PRKD1: variants seen among roughly 807,000 people sequenced by gnomAD.
PRKD1 encodes the protein serine/threonine-protein kinase D1.
A neutral mutation model predicts 95.9 loss-of-function variants in PRKD1; 63 were observed. The observed-to-expected ratio is 0.66, with a 90% CI of 0.54 to 0.81. PRKD1 has a LOEUF of 0.81. PRKD1 is among the 30% of genes least tolerant of loss of function. The probability of loss-of-function intolerance (pLI) is 0.00; values close to 1 mark genes in which losing one functional copy is unlikely to be tolerated. For missense variants in PRKD1, 1,048 were observed against 1,165.3 expected, an observed-to-expected ratio of 0.90 and a Z score of 1.47; for synonymous variants, 425 against 423.1, an observed-to-expected ratio of 1.00 and a Z score of -0.05.
chr14:29,759,331 G>C (rs1042861766), intron 1 of PRKD1, among the ~76,000 whole-genome samples: 3 of 152,108 alleles, frequency 2.0e-5, no homozygotes, highest in Non-Finnish European at 2.9e-5. Context: ...CAATCACCTG[G>C]TGTGTGGAAA....
intron 2 of PRKD1, among the ~76,000 whole-genome samples, chr14:29,717,473 T>C (rs1260931802): frequency 1.3e-5 from 2 of 152,104 alleles, no homozygotes; most frequent in East Asian, 1.9e-4. Flanking sequence ...AAATGACAAC[T>C]CTGGGACTGA....
chr14:29,911,901 C>A (rs1482067742), intron 1 of PRKD1, among the ~76,000 whole-genome samples: 2 of 152,218 alleles, frequency 1.3e-5, no homozygotes, highest in African/African-American at 4.8e-5. Flanking sequence ...AGCTACTCCT[C>A]GAATAATTCC....
At chr14:29,748,025 T>A (rs1319863927) in intron 1 of PRKD1, among the ~76,000 whole-genome samples, 1 of 152,184 alleles carries the variant, frequency 6.6e-6, no homozygotes, top group Non-Finnish European at 1.5e-5. Context: ...ATTACAGACG[T>A]GAGCCACCAC....
chr14:29,632,093 G>T (rs1957457), intron 9 of PRKD1, among the ~76,000 whole-genome samples: 48,581 of 152,004 alleles, frequency 0.32, 9,115 homozygotes, highest in African/African-American at 0.52. Context: ...GAGCCACTGC[G>T]CCTGGCCAAT....
At chr14:29,790,590 T>A (rs1889499854) in intron 1 of PRKD1, among the ~76,000 whole-genome samples, 1 of 152,188 alleles carries the variant, frequency 6.6e-6, no homozygotes, top group Non-Finnish European at 1.5e-5. Context: ...TAGTTTTTAA[T>A]CTCATTGCTC....
intron 1 of PRKD1, among the ~76,000 whole-genome samples, chr14:29,764,114 G>T (rs1412688425): frequency 6.6e-6 from 1 of 152,004 alleles, no homozygotes; most frequent in Non-Finnish European, 1.5e-5. Context: ...AAGCATACGG[G>T]TCTTATCCTA....
At chr14:29,845,594 G>A (rs1892048234) in intron 1 of PRKD1, among the ~76,000 whole-genome samples, 1 of 152,130 alleles carries the variant, frequency 6.6e-6, no homozygotes, top group South Asian at 2.1e-4. Flanking sequence ...GTCTGACTTA[G>A]ATAATCTCAC....
chr14:29,607,385 G>C (rs546882562), intron 13 of PRKD1, among the ~76,000 whole-genome samples: 1 of 152,288 alleles, frequency 6.6e-6, no homozygotes, highest in African/African-American at 2.4e-5. Flanking sequence ...GGTGAGCTCA[G>C]CTGTTTTCTC....
chr14:29,618,024 C>T (rs544217442), intron 13 of PRKD1, among the ~76,000 whole-genome samples: 12 of 152,188 alleles, frequency 7.9e-5, no homozygotes, highest in South Asian at 2.1e-4. Flanking sequence ...GCTGTGATCA[C>T]GCCACTGCAT....
intron 4 of PRKD1, among the ~76,000 whole-genome samples, chr14:29,660,799 TC>T (rs1484182832): frequency 6.6e-6 from 1 of 152,060 alleles, no homozygotes; most frequent in Non-Finnish European, 1.5e-5. Context: ...TGCCCAAAAG[TC>T]CATAAAACTG....
At chr14:29,819,768 C>G (rs1352006725) in intron 1 of PRKD1, among the ~76,000 whole-genome samples, 1 of 152,048 alleles carries the variant, frequency 6.6e-6, no homozygotes, top group Non-Finnish European at 1.5e-5. Flanking sequence ...TTAGATGAAT[C>G]TAGGTAAAAG....
At chr14:29,827,952 T>C (rs1049478234) in intron 1 of PRKD1, among the ~76,000 whole-genome samples, 12 of 152,226 alleles carry the variant, frequency 7.9e-5, no homozygotes, top group African/African-American at 2.6e-4. Flanking sequence ...TCATTTCTTT[T>C]CCACCTGCTT....
chr14:29,648,669 T>C (rs188508549), intron 4 of PRKD1, among the ~76,000 whole-genome samples: 1 of 151,708 alleles, frequency 6.6e-6, no homozygotes, highest in East Asian at 2.0e-4. Flanking sequence ...GCTTCTGTTT[T>C]TTTGACAGGG....
chr14:29,866,305 C>A (rs1199770328), intron 1 of PRKD1, among the ~76,000 whole-genome samples: 2 of 152,202 alleles, frequency 1.3e-5, no homozygotes, highest in Non-Finnish European at 2.9e-5. Context: ...ATATACAAAG[C>A]AGTCAAATGG....
Position 29,586,317 on chromosome 14 carries a change from A to G in PRKD1, c.2435-7957T>C, listed in dbSNP as rs151178321. Among the ~76,000 whole-genome samples, 853 of 152,316 alleles carry G rather than the reference A, an allele frequency of 5.6e-3. 3 individuals carry two copies. Among genetic ancestry groups the G allele is most frequent in the Non-Finnish European group, 7.0e-3 (473 of 68,022 alleles). On this transcript the variant is annotated intron_variant, in intron 16 of 17. Coordinates refer to ENST00000331968, the MANE Select transcript of PRKD1 (RefSeq NM_002742.3). ...CAGAAGTTGCCAACAGGAAGAGCAA[A>G]CAAATTGGATTACACAAATAATTTC...
chr14:29,777,171 T>C (rs1888802001), intron 1 of PRKD1, among the ~76,000 whole-genome samples: 2 of 152,278 alleles, frequency 1.3e-5, no homozygotes, highest in South Asian at 4.1e-4. Flanking sequence ...GAAGAACTGG[T>C]ACCAGCCACT....
rs369898192 is a variant in PRKD1 at position 29,715,978 on chromosome 14, C to T, written c.403+9558G>A. On this transcript the variant is annotated intron_variant, in intron 2 of 17. Coordinates refer to ENST00000331968, the MANE Select transcript of PRKD1 (RefSeq NM_002742.3). ...TTAGAATGATTCTTAATATCCAAGT[C>T]CTGTTGTGCCATCAAGGCCCTAACA... Among the ~76,000 whole-genome samples the T allele has an allele frequency of 3.9e-5, 6 of 152,266 alleles. 1 individual carries two copies. The highest frequency in any genetic ancestry group is 1.4e-4 in the African/African-American group (6 of 41,556).
intron 9 of PRKD1, among the ~76,000 whole-genome samples, 159 bp from the exon 10 acceptor site, chr14:29,631,180 TA>T (rs922245250): frequency 7.9e-5 from 12 of 152,144 alleles, no homozygotes; most frequent in African/African-American, 2.4e-4. Context: ...TAAGCAAAAT[TA>T]AAAAAAATAC....
chr14:29,586,055 T>C (rs775448607), intron 16 of PRKD1, among the ~76,000 whole-genome samples: 1 of 152,240 alleles, frequency 6.6e-6, no homozygotes, highest in Non-Finnish European at 1.5e-5. Flanking sequence ...TGTATTTTAA[T>C]GGCTGCTAGG....
Sources: gnomAD v4.1 joint callset for allele counts (sites outside exome capture counted in the v4.1 genomes callset) on GRCh38, gnomAD v4.1.1 for gene constraint, MANE v1.5 for transcripts, NCBI Gene and HGNC (gene_info 2026-07-23, HGNC 2026-07-21) for gene names.